The following MSRA variants were observed in gnomAD, a reference collection of about 807,000 sequenced individuals.
MSRA encodes the protein methionine sulfoxide reductase A.
MSRA carries 54 observed loss-of-function variants against 31.3 expected under a neutral mutation model. The ratio of observed to expected loss-of-function variants is 1.73; its 90% CI spans 1.39 to 2.17. MSRA has a LOEUF of 2.17. Among genes scored for constraint, MSRA ranks in the 30% most tolerant of loss-of-function variants. MSRA has a pLI of 0.00. For synonymous variants in MSRA, 169 were observed against 116.5 expected, an observed-to-expected ratio of 1.45 and a Z score of -2.90; for missense variants, 507 against 300.9, an observed-to-expected ratio of 1.69 and a Z score of -5.07.
At chr8:10,411,677 T>C (rs969025651) in intron 5 of MSRA, 3 of 152,230 alleles carry the variant, frequency 2.0e-5, no homozygotes, top group Non-Finnish European at 4.4e-5. Flanking sequence ...TTTCTTAATA[T>C]TGAAATGAGC....
Position 10,207,860 on chromosome 8 carries a change from C to G in MSRA, c.170C>G (p.Thr57Arg). ...AAKHHVNGNR[T>R]VEPFPEGTQM... ...AAACATCATGTCAATGGCAACAGAA[C>G]AGTCGAACCTTTCCCAGAGGGAACA... Residue 57 changes from threonine to arginine, a missense_variant, in exon 2 of 6, where the codon ACA (threonine) becomes AGA (arginine). Thr to Arg is a moderately conservative substitution (Grantham distance 71). Transcript: ENST00000317173. The G allele has an allele frequency of 6.2e-7, 1 of 1,609,932 alleles. No homozygotes were observed. Among genetic ancestry groups the G allele is most frequent in the South Asian group, 1.1e-5 (1 of 90,604 alleles).
At chr8:10,058,441 T>C (rs573042542) in intron 1 of MSRA, among the ~76,000 whole-genome samples, 1 of 152,346 alleles carries the variant, frequency 6.6e-6, no homozygotes, top group South Asian at 2.1e-4. Context: ...TGATAATTTT[T>C]AGGAAAATAT....
chr8:10,312,501 T>G (rs1330471814), intron 4 of MSRA, among the ~76,000 whole-genome samples: 1 of 152,224 alleles, frequency 6.6e-6, no homozygotes, highest in Non-Finnish European at 1.5e-5. Context: ...AAGAAATAAT[T>G]GCAGTTTTTC....
intron 1 of MSRA, among the ~76,000 whole-genome samples, chr8:10,067,589 A>C (rs761836510): frequency 6.6e-6 from 1 of 152,216 alleles, no homozygotes; most frequent in Non-Finnish European, 1.5e-5. Flanking sequence ...ATGTAGTTCC[A>C]TAACAAACTG....
At chr8:10,135,182 A>T (rs888326334) in intron 1 of MSRA, among the ~76,000 whole-genome samples, 1 of 152,236 alleles carries the variant, frequency 6.6e-6, no homozygotes, top group Admixed American at 6.5e-5. Flanking sequence ...TCTTTGTAAA[A>T]AGTCCTATAT....
intron 3 of MSRA, among the ~76,000 whole-genome samples, chr8:10,292,309 C>T (rs1258224658): frequency 1.3e-5 from 2 of 152,172 alleles, no homozygotes; most frequent in Non-Finnish European, 2.9e-5. Flanking sequence ...CTCCTCCGGC[C>T]CATACGTCTT....
At chr8:10,328,443 C>T (rs1268175970) in intron 5 of MSRA, among the ~76,000 whole-genome samples, 1 of 152,044 alleles carries the variant, frequency 6.6e-6, no homozygotes, top group Non-Finnish European at 1.5e-5. Flanking sequence ...CACGTTCACT[C>T]TCATGATTTA....
chr8:10,413,131 C>T (rs892137217), intron 5 of MSRA, among the ~76,000 whole-genome samples: 1 of 152,110 alleles, frequency 6.6e-6, no homozygotes, highest in Non-Finnish European at 1.5e-5. Flanking sequence ...CCAGGAAGGC[C>T]CTGATCTCGC....
intron 2 of MSRA, among the ~76,000 whole-genome samples, chr8:10,233,836 T>C (rs981762733): frequency 7.9e-5 from 12 of 152,296 alleles, no homozygotes; most frequent in African/African-American, 2.9e-4. Context: ...AAGTATATTT[T>C]AAGCCCTAAG....
At chr8:10,221,079 G>A (rs1810452260) in intron 2 of MSRA, among the ~76,000 whole-genome samples, 1 of 152,194 alleles carries the variant, frequency 6.6e-6, no homozygotes, top group South Asian at 2.1e-4. Flanking sequence ...ACATGATGGG[G>A]AAAGCCCAAT....
At chr8:10,196,066 GGAGCCACTGGACCACTCC>G (rs1807953084) in intron 1 of MSRA, among the ~76,000 whole-genome samples, 3 of 152,168 alleles carry the variant, frequency 2.0e-5, no homozygotes, top group Admixed American at 2.0e-4. Flanking sequence ...GCGGGGTGGG[GGAGCCACTGGACCACTCC>G]CCGCTCAGCT....
At chr8:10,288,860 A>C (rs1156865010) in intron 3 of MSRA, among the ~76,000 whole-genome samples, 1 of 152,174 alleles carries the variant, frequency 6.6e-6, no homozygotes, top group Non-Finnish European at 1.5e-5. Context: ...TAATGTGGCT[A>C]ATGTGCAGAA....
intron 1 of MSRA, among the ~76,000 whole-genome samples, chr8:10,077,016 T>G (rs1361208404): frequency 7.0e-6 from 1 of 142,350 alleles, no homozygotes; most frequent in Non-Finnish European, 1.5e-5. Context: ...GTAATAAACC[T>G]GCACATCCTG....
intron 1 of MSRA, among the ~76,000 whole-genome samples, chr8:10,148,819 A>G (rs1389254123): frequency 2.0e-5 from 2 of 101,092 alleles, no homozygotes; most frequent in Admixed American, 1.3e-4. Flanking sequence ...AAAAAAAAGG[A>G]AACTCTGTCT....
intron 5 of MSRA, among the ~76,000 whole-genome samples, chr8:10,362,531 G>C (rs1804911204): frequency 6.6e-6 from 1 of 151,396 alleles, no homozygotes; most frequent in South Asian, 2.1e-4. Context: ...GGCATGGGAG[G>C]GGAGGCCACT....
intron 1 of MSRA, among the ~76,000 whole-genome samples, chr8:10,142,957 T>C (rs1317099142): frequency 6.6e-6 from 1 of 152,160 alleles, no homozygotes; most frequent in Admixed American, 6.6e-5. Context: ...GCACCTTCCT[T>C]TTCCCAGTTC....
At chr8:10,237,928 A>C (rs981491749) in intron 2 of MSRA, among the ~76,000 whole-genome samples, 1 of 152,140 alleles carries the variant, frequency 6.6e-6, no homozygotes, top group Non-Finnish European at 1.5e-5. Context: ...ACTCTAGTCT[A>C]TTCTCAACCG....
intron 3 of MSRA, among the ~76,000 whole-genome samples, chr8:10,249,051 G>T (rs1341521949): frequency 6.6e-6 from 1 of 152,134 alleles, no homozygotes; most frequent in Admixed American, 6.5e-5. Flanking sequence ...AGAACAGCCT[G>T]GGAGAGGGGA....
intron 1 of MSRA, among the ~76,000 whole-genome samples, chr8:10,199,577 T>A (rs949727160): frequency 6.6e-6 from 1 of 152,140 alleles, no homozygotes; most frequent in Non-Finnish European, 1.5e-5. Flanking sequence ...CAGTTTTTTT[T>A]TAATGAATAA....
Sources: gnomAD v4.1 joint callset for allele counts (sites outside exome capture counted in the v4.1 genomes callset) on GRCh38, gnomAD v4.1.1 for gene constraint, MANE v1.5 for transcripts, NCBI Gene and HGNC (gene_info 2026-07-23, HGNC 2026-07-21) for gene names.